HRH1: variants seen among roughly 807,000 people sequenced by gnomAD.
HRH1 encodes the protein histamine receptor H1.
A neutral mutation model predicts 10.3 loss-of-function variants in HRH1; 6 were observed. That is an observed-to-expected ratio of 0.58 (90% confidence interval 0.32 to 1.15). HRH1 has a LOEUF of 1.15. Among genes scored for constraint, HRH1 ranks in the 50% most tolerant of loss-of-function variants. The pLI is 0.05. For missense variants in HRH1, 514 were observed against 615.3 expected (o/e 0.84, Z 1.74); for synonymous variants, 242 against 236.7 (o/e 1.02, Z -0.21).
intron 1 of HRH1, among the ~76,000 whole-genome samples, chr3:11,241,840 A>AC (rs1252760239): frequency 1.3e-5 from 2 of 151,648 alleles, no homozygotes; most frequent in African/African-American, 4.8e-5. Context: ...CGTTTCAAAA[A>AC]AAAAAAAAAA....
At chr3:11,199,911 C>G (rs186428107) in intron 1 of HRH1, among the ~76,000 whole-genome samples, 139 of 152,288 alleles carry the variant, frequency 9.1e-4, no homozygotes, top group Middle Eastern at 3.4e-3. Context: ...AGGTAACTAC[C>G]CTTCAGAGAA....
At chr3:11,138,994 T>TTC (rs1405347795) in intron 1 of HRH1, among the ~76,000 whole-genome samples, 1 of 132,916 alleles carries the variant, frequency 7.5e-6, no homozygotes, top group Non-Finnish European at 1.7e-5. Flanking sequence ...TTGTTCTTTT[T>TTC]TTTTTTTTTT....
chr3:11,235,962 A>G (rs7648099), intron 1 of HRH1, among the ~76,000 whole-genome samples: 3,349 of 152,266 alleles, frequency 0.022, 120 homozygotes, highest in African/African-American at 0.077. Flanking sequence ...TGTGGCCAAA[A>G]AAAAGCCCAG....
In HRH1 at chr3:11,260,193, TA is replaced by T. The variant is rs1559289627; in HGVS notation, c.1157del (p.Tyr386SerfsTer22). 6.2e-7 allele frequency: 1 copy of T among 1,613,988 alleles called. No homozygotes were observed. The highest frequency in any genetic ancestry group is 1.7e-5 in the Admixed American group (1 of 60,008). On this transcript the variant is annotated frameshift_variant, in exon 2 of 2. Coordinates refer to ENST00000431010, the MANE Select transcript of HRH1 (RefSeq NM_001098212.2). LOFTEE classifies it high-confidence loss of function. The stretch of plus-strand genomic sequence containing the variant: ...GAGTGGGTCTAACACAGGCCTGGAT[TA>T]CATCAAGTTTACTTGGAAGAGGCTC... ...LRSGSNTGLDYIKFTWKRLRS... is the reference protein window; with the variant it reads ...LRSGSNTGLDXIKFTWKRLRS...
At chr3:11,160,728 C>G (rs1936905524) in intron 1 of HRH1, among the ~76,000 whole-genome samples, 1 of 152,192 alleles carries the variant, frequency 6.6e-6, no homozygotes, top group Non-Finnish European at 1.5e-5. Flanking sequence ...TATCTTGGGC[C>G]TCAGGGCACG....
At chr3:11,171,539 C>T (rs1206700552) in intron 1 of HRH1, among the ~76,000 whole-genome samples, 1 of 152,212 alleles carries the variant, frequency 6.6e-6, no homozygotes, top group Admixed American at 6.5e-5. Context: ...GGCTCCACCC[C>T]AGACCTGCAG....
chr3:11,142,058 C>A (rs1298429103), intron 1 of HRH1, among the ~76,000 whole-genome samples: 1 of 152,150 alleles, frequency 6.6e-6, no homozygotes, highest in Non-Finnish European at 1.5e-5. Context: ...CCTCAAGGAC[C>A]CCTTGGTCTA....
At chr3:11,246,920 GC>G (rs1337203151) in intron 1 of HRH1, among the ~76,000 whole-genome samples, 2 of 152,168 alleles carry the variant, frequency 1.3e-5, no homozygotes, top group East Asian at 3.8e-4. Flanking sequence ...GGTGGTGCGT[GC>G]CTGTGGTCCC....
At chr3:11,236,769 C>T (rs560937729) in intron 1 of HRH1, among the ~76,000 whole-genome samples, 1 of 152,172 alleles carries the variant, frequency 6.6e-6, no homozygotes, top group Non-Finnish European at 1.5e-5. Flanking sequence ...GCCCCAGAAC[C>T]AGCAAGAGGG....
In HRH1 at chr3:11,212,502, G is replaced by A. The variant is rs868148173; in HGVS notation, c.-35-46501G>A. 1.3e-5 allele frequency among the ~76,000 whole-genome samples: 2 copies of A among 152,142 alleles called. 1 individual carries two copies. The highest frequency in any genetic ancestry group is 4.8e-5 in the African/African-American group (2 of 41,412). On this transcript the variant is annotated intron_variant, in intron 1 of 1. Coordinates refer to ENST00000431010, the MANE Select transcript of HRH1 (RefSeq NM_001098212.2). ...CAAATCCAGGTAGAGGACCCACTGG[G>A]GCTATCACGGGGCCCTACACAGTCC... is the stretch of plus-strand genomic sequence containing the variant.
intron 1 of HRH1, among the ~76,000 whole-genome samples, chr3:11,161,567 T>G (rs1936922460): frequency 6.6e-6 from 1 of 152,152 alleles, no homozygotes; most frequent in African/African-American, 2.4e-5. Context: ...ACTACTTGAG[T>G]GGCGGGGCCA....
chr3:11,200,754 C>T (rs1387346995), intron 1 of HRH1, among the ~76,000 whole-genome samples: 1 of 152,094 alleles, frequency 6.6e-6, no homozygotes, highest in Non-Finnish European at 1.5e-5. Flanking sequence ...AAGTCATTTC[C>T]CCTGATCATT....
At chr3:11,238,219 A>C (rs908974757) in intron 1 of HRH1, among the ~76,000 whole-genome samples, 4 of 152,208 alleles carry the variant, frequency 2.6e-5, no homozygotes, top group African/African-American at 9.6e-5. Flanking sequence ...GAGAAAGATC[A>C]CAGATGTGCG....
chr3:11,241,056 T>C (rs1374408610), intron 1 of HRH1, among the ~76,000 whole-genome samples: 1 of 152,226 alleles, frequency 6.6e-6, no homozygotes, highest in African/African-American at 2.4e-5. Context: ...TATTTTTTTA[T>C]TGAAGGAATC....
chr3:11,215,065 G>A (rs1938443631), intron 1 of HRH1, among the ~76,000 whole-genome samples: 1 of 152,220 alleles, frequency 6.6e-6, no homozygotes, highest in Non-Finnish European at 1.5e-5. Flanking sequence ...ACCATGGAGA[G>A]CTGTGAAAAT....
At chr3:11,137,527 T>TC (rs1219833179) in intron 1 of HRH1, 3 of 153,086 alleles carry the variant, frequency 2.0e-5, no homozygotes. Context: ...GGTGGCTGAT[T>TC]GGATGCTGGA....
chr3:11,142,850 G>T (rs1171846825), intron 1 of HRH1, among the ~76,000 whole-genome samples: 2 of 152,058 alleles, frequency 1.3e-5, no homozygotes, highest in Non-Finnish European at 2.9e-5. Context: ...GTAGGTGGAG[G>T]TTGCAGTGTG....
At chr3:11,166,164 A>G (rs1937025889) in intron 1 of HRH1, among the ~76,000 whole-genome samples, 1 of 152,152 alleles carries the variant, frequency 6.6e-6, no homozygotes, top group African/African-American at 2.4e-5. Context: ...CACAAACCCC[A>G]TGGCCCCATT....
chr3:11,143,023 A>G (rs1190317003), intron 1 of HRH1, among the ~76,000 whole-genome samples: 1 of 152,164 alleles, frequency 6.6e-6, no homozygotes, highest in Non-Finnish European at 1.5e-5. Flanking sequence ...ACAGGACAAA[A>G]GCTTGCTGTG....
Sources: allele counts gnomAD v4.1 joint callset (sites outside exome capture counted in the v4.1 genomes callset), GRCh38; gene constraint gnomAD v4.1.1; transcripts MANE v1.5; gene names NCBI Gene and HGNC (gene_info 2026-07-23, HGNC 2026-07-21).